ATP8A2: variants seen among roughly 807,000 people sequenced by gnomAD.
ATP8A2 encodes ATPase phospholipid transporting 8A2.
A neutral mutation model predicts 165.6 loss-of-function variants in ATP8A2; 100 were observed. The observed-to-expected ratio is 0.60, with a 90% CI of 0.51 to 0.71. ATP8A2 has a LOEUF of 0.71. ATP8A2 is among the 30% of genes least tolerant of loss of function. The probability of loss-of-function intolerance (pLI) is 0.00; values close to 1 mark genes in which losing one functional copy is unlikely to be tolerated. For synonymous variants in ATP8A2, 543 were observed against 548.8 expected, an observed-to-expected ratio of 0.99 and a Z score of 0.15; for missense variants, 1,227 against 1,479.5, an observed-to-expected ratio of 0.83 and a Z score of 2.80.
At chr13:25,840,732 G>A (rs942236912) in intron 30 of ATP8A2, among the ~76,000 whole-genome samples, 6 of 152,214 alleles carry the variant, frequency 3.9e-5, no homozygotes, top group African/African-American at 1.4e-4. Flanking sequence ...ACGTATAAGA[G>A]TTTGGGATGT....
intron 11 of ATP8A2, 104 bp downstream of exon 11, chr13:25,551,607 C>G: frequency 9.1e-7 from 1 of 1,093,656 alleles, no homozygotes; most frequent in South Asian, 1.6e-5. Flanking sequence ...CTTCTGTTCC[C>G]TTTGGTTACT....
chr13:25,999,293 T>A (rs11618900), intron 35 of ATP8A2, among the ~76,000 whole-genome samples: 2,565 of 152,210 alleles, frequency 0.017, 32 homozygotes, highest in Non-Finnish European at 0.028. Context: ...CAGTGCTGCT[T>A]CTCAGTCTAC....
At chr13:25,620,850 A>G (rs2040949695) in intron 24 of ATP8A2, among the ~76,000 whole-genome samples, 1 of 152,234 alleles carries the variant, frequency 6.6e-6, no homozygotes, top group Non-Finnish European at 1.5e-5. Flanking sequence ...GTGGAGATCA[A>G]TGAACTAATG....
At chr13:25,844,599 G>A (rs1198252441) in intron 30 of ATP8A2, among the ~76,000 whole-genome samples, 1 of 152,052 alleles carries the variant, frequency 6.6e-6, no homozygotes, top group Non-Finnish European at 1.5e-5. Context: ...TAGGAACATG[G>A]CACCAATTTG....
chr13:25,830,606 T>C (rs1169884740), intron 28 of ATP8A2, among the ~76,000 whole-genome samples: 2 of 152,022 alleles, frequency 1.3e-5, no homozygotes, highest in African/African-American at 2.4e-5. Context: ...CCCATGAAAA[T>C]TGTTTTGGTG....
At chr13:25,682,288 C>G (rs1030523876) in intron 24 of ATP8A2, among the ~76,000 whole-genome samples, 3 of 152,194 alleles carry the variant, frequency 2.0e-5, no homozygotes, top group South Asian at 4.2e-4. Flanking sequence ...CGTGCCTCCC[C>G]CCTCCTCTGC....
intron 24 of ATP8A2, among the ~76,000 whole-genome samples, chr13:25,669,756 C>G (rs937211532): frequency 5.5e-4 from 84 of 152,222 alleles, no homozygotes; most frequent in African/African-American, 1.9e-3. Context: ...TGTTGCTTCC[C>G]CATCCATTGT....
intron 2 of ATP8A2, among the ~76,000 whole-genome samples, chr13:25,485,092 T>C (rs1244644550): frequency 2.6e-5 from 4 of 152,274 alleles, no homozygotes; most frequent in Non-Finnish European, 5.9e-5. Context: ...CTAACAGTGA[T>C]GTACCAGAGT....
chr13:25,937,780 C>T (rs1387281243), intron 33 of ATP8A2, among the ~76,000 whole-genome samples: 6 of 134,738 alleles, frequency 4.5e-5, no homozygotes, highest in East Asian at 2.4e-4. Flanking sequence ...ACCCGGGAGG[C>T]GGAGCTTGTA....
intron 25 of ATP8A2, among the ~76,000 whole-genome samples, chr13:25,744,090 C>T (rs2043975282): frequency 6.6e-6 from 1 of 152,204 alleles, no homozygotes; most frequent in South Asian, 2.1e-4. Flanking sequence ...AAACTAACAT[C>T]TTCCAGTGTG....
intron 26 of ATP8A2, among the ~76,000 whole-genome samples, chr13:25,772,117 G>A (rs1041210061): frequency 3.3e-5 from 5 of 152,098 alleles, no homozygotes; most frequent in Non-Finnish European, 5.9e-5. Context: ...ACCGAGCGCC[G>A]TCCTTTTTCA....
intron 27 of ATP8A2, among the ~76,000 whole-genome samples, chr13:25,778,738 T>C (rs1303479818): frequency 6.6e-6 from 1 of 152,076 alleles, no homozygotes; most frequent in Non-Finnish European, 1.5e-5. Flanking sequence ...AATGCCCATC[T>C]CCGTCCCGTC....
chr13:25,572,642 G>A (rs1411973039), intron 18 of ATP8A2, among the ~76,000 whole-genome samples: 1 of 152,148 alleles, frequency 6.6e-6, no homozygotes, highest in Non-Finnish European at 1.5e-5. Context: ...GTGAGGCAGT[G>A]GTGTTTTTCA....
chr13:25,531,870 A>T (rs1192612972), intron 4 of ATP8A2, among the ~76,000 whole-genome samples: 1 of 152,198 alleles, frequency 6.6e-6, no homozygotes, highest in East Asian at 1.9e-4. Flanking sequence ...ATCTGAAACA[A>T]TCTGAAATAT....
intron 10 of ATP8A2, among the ~76,000 whole-genome samples, chr13:25,545,492 G>GTGAGACCCCAT (rs1442356808): frequency 2.6e-5 from 4 of 151,678 alleles, no homozygotes; most frequent in Admixed American, 2.6e-4. Flanking sequence ...GGGTGACATA[G>GTGAGACCCCAT]TGAGACCCCA....
chr13:25,591,592 T>G (rs1037977738), intron 24 of ATP8A2, among the ~76,000 whole-genome samples: 1 of 151,118 alleles, frequency 6.6e-6, no homozygotes, highest in Non-Finnish European at 1.5e-5. Flanking sequence ...ACTTTTTTTT[T>G]TTTTTTTTTT....
At chr13:25,698,076 TC>T (rs2137904484) in intron 24 of ATP8A2, among the ~76,000 whole-genome samples, 1 of 152,358 alleles carries the variant, frequency 6.6e-6, no homozygotes, top group South Asian at 2.1e-4. Context: ...TACTTAATAG[TC>T]GTCTTCCAGA....
intron 1 of ATP8A2, among the ~76,000 whole-genome samples, chr13:25,436,628 T>C (rs1490595793): frequency 6.6e-6 from 1 of 152,240 alleles, no homozygotes; most frequent in Non-Finnish European, 1.5e-5. Flanking sequence ...TACTCACTAA[T>C]GGGATTGTTG....
chr13:25,738,342 C>CA (rs1376396600), intron 25 of ATP8A2, among the ~76,000 whole-genome samples: 2 of 41,846 alleles, frequency 4.8e-5, no homozygotes, highest in African/African-American at 2.3e-4. Context: ...TGCCCCCCTC[C>CA]CCCCCCCCCA....
Sources: allele counts gnomAD v4.1 joint callset (sites outside exome capture counted in the v4.1 genomes callset), GRCh38; gene constraint gnomAD v4.1.1; transcripts MANE v1.5; gene names NCBI Gene and HGNC (gene_info 2026-07-23, HGNC 2026-07-21).